ZNF438: variants seen among roughly 807,000 people sequenced by gnomAD.
The protein encoded by ZNF438 is zinc finger protein 438.
A neutral mutation model predicts 38.0 loss-of-function variants in ZNF438; 25 were observed. That is an observed-to-expected ratio of 0.66 (90% confidence interval 0.48 to 0.92). The LOEUF (loss-of-function observed/expected upper bound fraction) is 0.92. Among genes scored for constraint, ZNF438 ranks in the 40% least tolerant of loss-of-function variants. The probability of loss-of-function intolerance (pLI) is 0.00; values close to 1 mark genes in which losing one functional copy is unlikely to be tolerated. For synonymous variants in ZNF438, 372 were observed against 364.1 expected, an observed-to-expected ratio of 1.02 and a Z score of -0.25; for missense variants, 1,007 against 999.6, an observed-to-expected ratio of 1.01 and a Z score of -0.10.
exon 5 of ZNF438, chr10:30,850,136 C>A (rs1280544013): frequency 1.9e-6 from 3 of 1,614,006 alleles, no homozygotes; most frequent in African/African-American, 1.3e-5. Context: ...AGAAAATGTC[C>A]CCTCCTGGCC....
chr10:30,932,411 T>C (rs1403852763), intron 2 of ZNF438, among the ~76,000 whole-genome samples: 7 of 152,242 alleles, frequency 4.6e-5, no homozygotes, highest in African/African-American at 1.4e-4. Flanking sequence ...GTTCAGTTTA[T>C]TGAGCATATA....
intron 4 of ZNF438, among the ~76,000 whole-genome samples, chr10:30,857,229 T>C (rs1387250912): frequency 6.6e-6 from 1 of 151,610 alleles, no homozygotes; most frequent in African/African-American, 2.4e-5. Context: ...AATTTTGAAA[T>C]AGAAATGGCT....
intron 3 of ZNF438, among the ~76,000 whole-genome samples, chr10:30,882,693 G>C (rs1403169734): frequency 6.6e-6 from 1 of 152,158 alleles, no homozygotes; most frequent in Non-Finnish European, 1.5e-5. Flanking sequence ...GACAGAGAAG[G>C]TTGGGGGGAC....
intron 3 of ZNF438, among the ~76,000 whole-genome samples, chr10:30,890,775 T>TA (rs1280746504): frequency 6.6e-6 from 1 of 152,368 alleles, no homozygotes; most frequent in East Asian, 1.9e-4. Flanking sequence ...TCTCAATTCT[T>TA]AGAGTTGATT....
chr10:31,020,319 T>C (rs1285793126), intron 1 of ZNF438, among the ~76,000 whole-genome samples: 1 of 152,112 alleles, frequency 6.6e-6, no homozygotes, highest in Non-Finnish European at 1.5e-5. Flanking sequence ...CCTAGCTGAG[T>C]GCTCCAGAAA....
intron 2 of ZNF438, among the ~76,000 whole-genome samples, chr10:30,930,978 A>C (rs773690958): frequency 1.3e-5 from 2 of 151,956 alleles, no homozygotes; most frequent in African/African-American, 2.4e-5. Flanking sequence ...AGCCTCTCCT[A>C]CTCTGTGAGA....
intron 1 of ZNF438, among the ~76,000 whole-genome samples, chr10:30,988,442 G>A (rs745656724): frequency 1.4e-4 from 21 of 151,794 alleles, no homozygotes; most frequent in Non-Finnish European, 2.9e-4. Context: ...TGTATTCTGT[G>A]GAGCTCCTTA....
At chr10:30,892,944 G>A (rs1021492574) in intron 3 of ZNF438, among the ~76,000 whole-genome samples, 2 of 152,168 alleles carry the variant, frequency 1.3e-5, no homozygotes, top group Admixed American at 6.5e-5. Context: ...CAATTAGATT[G>A]TTCTTAGCCT....
intron 3 of ZNF438, among the ~76,000 whole-genome samples, chr10:30,899,837 C>T (rs972183332): frequency 2.0e-5 from 3 of 152,050 alleles, no homozygotes; most frequent in East Asian, 1.9e-4. Context: ...TTTTAACCAA[C>T]GTAGAAAATT....
At chr10:31,021,793 G>A (rs1436453961) in intron 1 of ZNF438, among the ~76,000 whole-genome samples, 3 of 152,122 alleles carry the variant, frequency 2.0e-5, no homozygotes, top group African/African-American at 4.8e-5. Context: ...TACAGTGGTG[G>A]TTCAAGAAGT....
At chr10:31,028,236 G>T (rs950323342) in intron 1 of ZNF438, among the ~76,000 whole-genome samples, 1 of 152,024 alleles carries the variant, frequency 6.6e-6, no homozygotes, top group Non-Finnish European at 1.5e-5. Context: ...TTAAACCGGT[G>T]GAAACCTGCC....
At chr10:30,955,376 A>G (rs148960560) in intron 1 of ZNF438, among the ~76,000 whole-genome samples, 1 of 152,354 alleles carries the variant, frequency 6.6e-6, no homozygotes, top group Non-Finnish European at 1.5e-5. Flanking sequence ...TAAAACTGGA[A>G]GAACTCTGTG....
intron 1 of ZNF438, among the ~76,000 whole-genome samples, chr10:31,008,690 C>A (rs1348637668): frequency 2.0e-5 from 3 of 152,168 alleles, no homozygotes; most frequent in Admixed American, 2.0e-4. Flanking sequence ...TGATAGATAT[C>A]TAGGTTGTTT....
intron 2 of ZNF438, among the ~76,000 whole-genome samples, chr10:30,929,693 C>A (rs1464311522): frequency 6.6e-6 from 1 of 152,190 alleles, no homozygotes; most frequent in Non-Finnish European, 1.5e-5. Context: ...TTACAGAGGG[C>A]TGACTGATCC....
At chr10:30,859,901 G>C (rs1233777430) in intron 4 of ZNF438, among the ~76,000 whole-genome samples, 3 of 152,168 alleles carry the variant, frequency 2.0e-5, no homozygotes, top group African/African-American at 7.2e-5. Flanking sequence ...GAAGGAAAGA[G>C]AAAAGAAATG....
intron 1 of ZNF438, among the ~76,000 whole-genome samples, chr10:30,982,392 C>T (rs975500926): frequency 6.6e-6 from 1 of 152,146 alleles, no homozygotes; most frequent in Non-Finnish European, 1.5e-5. Flanking sequence ...TCAGCCACCG[C>T]GCCCGGCCAT....
chr10:30,937,214 G>C (rs2135429930), intron 2 of ZNF438, among the ~76,000 whole-genome samples: 1 of 152,332 alleles, frequency 6.6e-6, no homozygotes, highest in Middle Eastern at 3.4e-3. Flanking sequence ...CCTTGCCAAA[G>C]AGAAGCATAA....
chr10:30,897,227 T>C (rs1404671597), intron 3 of ZNF438, among the ~76,000 whole-genome samples: 1 of 152,212 alleles, frequency 6.6e-6, no homozygotes, highest in Non-Finnish European at 1.5e-5. Flanking sequence ...ACATATTTTA[T>C]ACAAAAGTAA....
intron 3 of ZNF438, among the ~76,000 whole-genome samples, chr10:30,890,557 TAGGTC>T (rs1318063068): frequency 6.6e-6 from 1 of 152,206 alleles, no homozygotes; most frequent in Non-Finnish European, 1.5e-5. Flanking sequence ...TTTACTGCCT[TAGGTC>T]AGGTCCTCAC....
Sources: allele counts gnomAD v4.1 joint callset (sites outside exome capture counted in the v4.1 genomes callset), GRCh38; gene constraint gnomAD v4.1.1; transcripts MANE v1.5; gene names NCBI Gene and HGNC (gene_info 2026-07-23, HGNC 2026-07-21).